Variants in LCORL observed in about 807,000 individuals in gnomAD.
The protein encoded by LCORL is ligand dependent nuclear receptor corepressor like, also known as ligand-dependent nuclear receptor corepressor-like protein.
LCORL carries 41 observed loss-of-function variants against 141.8 expected under a neutral mutation model. The observed-to-expected ratio is 0.29, with a 90% CI of 0.23 to 0.38. LCORL has a LOEUF of 0.38. Ranked by LOEUF, LCORL falls within the 10% of genes least tolerant of loss-of-function variation. The probability of loss-of-function intolerance (pLI) is 1.00; values close to 1 mark genes in which losing one functional copy is unlikely to be tolerated. For missense variants in LCORL, 1,759 were observed against 2,035.0 expected, an observed-to-expected ratio of 0.86 and a Z score of 2.61; for synonymous variants, 618 against 694.1, an observed-to-expected ratio of 0.89 and a Z score of 1.72.
chr4:17,886,738 A>G (rs1392740215), intron 5 of LCORL, among the ~76,000 whole-genome samples: 1 of 152,084 alleles, frequency 6.6e-6, no homozygotes, highest in African/African-American at 2.4e-5. Context: ...AATTGTGCTT[A>G]TATCTACGAC....
chr4:17,870,277 T>C (rs1325584215), intron 7 of LCORL, among the ~76,000 whole-genome samples: 4 of 152,178 alleles, frequency 2.6e-5, no homozygotes, highest in African/African-American at 9.7e-5. Context: ...ATTTTGTTTG[T>C]TTGTTTTGCA....
chr4:17,985,504 C>A (rs1278985962), intron 1 of LCORL, among the ~76,000 whole-genome samples: 1 of 152,114 alleles, frequency 6.6e-6, no homozygotes, highest in Non-Finnish European at 1.5e-5. Context: ...GAATTGAACC[C>A]TTTACCCTTA....
intron 4 of LCORL, among the ~76,000 whole-genome samples, chr4:17,947,072 T>C (rs1388252751): frequency 6.6e-6 from 1 of 152,030 alleles, no homozygotes; most frequent in African/African-American, 2.4e-5. Flanking sequence ...ATGTTCATTG[T>C]AGCATTATTC....
intron 7 of LCORL, chr4:17,866,943 C>T (rs1373002245): frequency 4.1e-6 from 4 of 978,612 alleles, no homozygotes; most frequent in African/African-American, 1.8e-5. Flanking sequence ...AACCAATCTC[C>T]TTCTAGCAGG....
chr4:17,904,524 T>A (rs1361668356), intron 5 of LCORL, among the ~76,000 whole-genome samples: 4 of 152,128 alleles, frequency 2.6e-5, no homozygotes, highest in Non-Finnish European at 5.9e-5. Flanking sequence ...TCTCTTTTAG[T>A]TTTGCTTTTC....
chr4:17,843,054 T>A (rs1722572113), exon 8 of LCORL: 1 of 265,380 alleles, frequency 3.8e-6, no homozygotes. Flanking sequence ...GTGGCTTTTT[T>A]TCCTGTATAA....
chr4:17,869,338 CTTCAT>C (rs139017655), intron 7 of LCORL, among the ~76,000 whole-genome samples: 1,790 of 152,136 alleles, frequency 0.012, 102 homozygotes, highest in Admixed American at 0.092. Flanking sequence ...CTTTCTCTTC[CTTCAT>C]TTAACTCATC....
intron 4 of LCORL, among the ~76,000 whole-genome samples, chr4:17,941,384 G>A (rs536641945): frequency 1.2e-4 from 18 of 151,952 alleles, no homozygotes; most frequent in Admixed American, 3.9e-4. Flanking sequence ...GTGTGAACTC[G>A]GAAGGCGAAG....
In LCORL at chr4:18,021,543, G is replaced by A. The variant is rs998421135; in HGVS notation, c.154+55C>T. 10 of 1,461,778 alleles carry A rather than the reference G, an allele frequency of 6.8e-6. No homozygotes were observed. The African/African-American group carries it at 1.3e-4, about 20-fold the overall frequency. 90.6% of individuals were successfully genotyped at this position (1,461,778 alleles called of 1,614,324 possible). The stretch of plus-strand genomic sequence containing the variant: ...AACCCCTCAGCCACAAACTCCTCGG[G>A]CTGCGACAGCGGTCGCCGCGCGGAG... On this transcript the variant is annotated intron_variant, in intron 1 of 7. Transcript: ENST00000635767. This position sits in a 1 kb window ranked among gnomAD's most constrained non-coding sequence, Gnocchi z 5.5.
intron 2 of LCORL, among the ~76,000 whole-genome samples, chr4:17,970,650 G>A (rs1020878847): frequency 3.9e-5 from 6 of 152,134 alleles, no homozygotes; most frequent in Admixed American, 6.6e-5. Flanking sequence ...CAGTTGCTAC[G>A]AATACAAGGT....
chr4:17,981,353 CAA>C (rs1177665096), intron 1 of LCORL, among the ~76,000 whole-genome samples: 1 of 152,104 alleles, frequency 6.6e-6, no homozygotes, highest in African/African-American at 2.4e-5. Context: ...AAATGGTCAC[CAA>C]AAGTTATCAT....
At chr4:17,918,703 G>C (rs959558983) in intron 4 of LCORL, among the ~76,000 whole-genome samples, 1 of 152,156 alleles carries the variant, frequency 6.6e-6, no homozygotes, top group Non-Finnish European at 1.5e-5. Context: ...GGTGAACAGA[G>C]CCTCAGAGAC....
chr4:17,853,377 G>T (rs1723998231), intron 7 of LCORL, among the ~76,000 whole-genome samples: 1 of 152,062 alleles, frequency 6.6e-6, no homozygotes, highest in African/African-American at 2.4e-5. Flanking sequence ...AATATTTAAT[G>T]CATGAAGTTT....
chr4:17,982,446 T>C lies in LCORL; in HGVS notation c.155-9561A>G, dbSNP rs192369761. Among the ~76,000 whole-genome samples the C allele has an allele frequency of 2.6e-5, 4 of 152,168 alleles. No individual in the cohort carries two copies. The East Asian group carries it at 7.7e-4, about 29-fold the overall frequency. ...TCTCTGCAACCTTGCCAGCATGTTATTTACTTTTTAGTAATAGCCATTCTG... is the reference window on the plus strand; with the variant it reads ...TCTCTGCAACCTTGCCAGCATGTTACTTACTTTTTAGTAATAGCCATTCTG... On this transcript the variant is annotated intron_variant, in intron 1 of 7. Coordinates refer to ENST00000635767, the Ensembl canonical transcript of LCORL.
chr4:17,878,931 C>T (rs541749071), intron 6 of LCORL, among the ~76,000 whole-genome samples: 2 of 151,036 alleles, frequency 1.3e-5, no homozygotes, highest in Admixed American at 6.6e-5. Context: ...GCTTGCTTAT[C>T]GACCAATATA....
chr4:17,957,193 TG>T (rs1291825549), intron 4 of LCORL, among the ~76,000 whole-genome samples: 1 of 151,940 alleles, frequency 6.6e-6, no homozygotes, highest in Non-Finnish European at 1.5e-5. Flanking sequence ...GCAAAAAGCC[TG>T]GTAGAGACAA....
chr4:17,878,794 T>C (rs1727192503), intron 6 of LCORL, among the ~76,000 whole-genome samples: 1 of 151,296 alleles, frequency 6.6e-6, no homozygotes, highest in Non-Finnish European at 1.5e-5. Context: ...CTATTTTTAA[T>C]TGATGTTAAA....
At chr4:17,932,541 C>T (rs1736213824) in intron 4 of LCORL, among the ~76,000 whole-genome samples, 1 of 152,102 alleles carries the variant, frequency 6.6e-6, no homozygotes, top group East Asian at 1.9e-4. Flanking sequence ...CCACTCTTCC[C>T]AACCTTCACT....
chr4:17,907,937 C>T (rs918664564), intron 5 of LCORL, among the ~76,000 whole-genome samples: 3 of 152,042 alleles, frequency 2.0e-5, no homozygotes, highest in Admixed American at 2.0e-4. Flanking sequence ...TATTAGGGAA[C>T]AAAAAAGGAA....
Sources: allele counts gnomAD v4.1 joint callset (sites outside exome capture counted in the v4.1 genomes callset), GRCh38; gene constraint gnomAD v4.1.1; non-coding constraint Gnocchi (gnomAD v3.1); transcripts MANE v1.5; gene names NCBI Gene and HGNC (gene_info 2026-07-23, HGNC 2026-07-21).